The following ADAMTSL1 variants were observed in gnomAD, a reference collection of about 807,000 sequenced individuals.
The protein encoded by ADAMTSL1 is ADAMTS-like protein 1.
In ADAMTSL1, 126 loss-of-function variants were observed where a neutral mutation model predicts 201.8. The ratio of observed to expected loss-of-function variants is 0.62; its 90% CI spans 0.54 to 0.72. The LOEUF is 0.72. ADAMTSL1 is among the 30% of genes least tolerant of loss of function. The probability of loss-of-function intolerance (pLI) is 0.00; values close to 1 mark genes in which losing one functional copy is unlikely to be tolerated. For synonymous variants in ADAMTSL1, 1,121 were observed against 903.4 expected (o/e 1.24, Z -4.32); for missense variants, 2,679 against 2,277.8 (o/e 1.18, Z -3.59).
chr9:18,486,131 A>G (rs1263194390), intron 1 of ADAMTSL1, among the ~76,000 whole-genome samples: 1 of 152,234 alleles, frequency 6.6e-6, no homozygotes, highest in Non-Finnish European at 1.5e-5. Flanking sequence ...GTCAGTGTTC[A>G]ACAAATGTTT....
intron 2 of ADAMTSL1, among the ~76,000 whole-genome samples, chr9:18,343,441 C>G (rs867011070): frequency 3.9e-5 from 6 of 152,206 alleles, no homozygotes; most frequent in Middle Eastern, 3.4e-3. Context: ...GTATCAGTTA[C>G]AAGCACAAGT....
chr9:18,181,953 A>G (rs1828499587), intron 2 of ADAMTSL1, among the ~76,000 whole-genome samples: 2 of 152,178 alleles, frequency 1.3e-5, no homozygotes, highest in Admixed American at 1.3e-4. Flanking sequence ...AATACTATGC[A>G]GCCATAAAAA....
At chr9:18,702,751 T>G (rs1231076309) in intron 13 of ADAMTSL1, among the ~76,000 whole-genome samples, 2 of 152,138 alleles carry the variant, frequency 1.3e-5, no homozygotes, top group African/African-American at 4.8e-5. Context: ...AACAGTAGTG[T>G]TGCTAACAAA....
intron 1 of ADAMTSL1, among the ~76,000 whole-genome samples, chr9:18,496,743 C>T (rs1375352397): frequency 6.6e-6 from 1 of 152,182 alleles, no homozygotes; most frequent in Non-Finnish European, 1.5e-5. Context: ...GATTCCAAAC[C>T]CCAACATGTG....
chr9:18,112,582 C>T (rs1825071993), intron 1 of ADAMTSL1, among the ~76,000 whole-genome samples: 1 of 151,962 alleles, frequency 6.6e-6, no homozygotes, highest in African/African-American at 2.4e-5. Context: ...TTTTGTCTCA[C>T]TGTTTCCTTT....
intron 2 of ADAMTSL1, among the ~76,000 whole-genome samples, chr9:18,236,619 G>A (rs905731622): frequency 1.3e-5 from 2 of 152,130 alleles, no homozygotes; most frequent in Non-Finnish European, 2.9e-5. Flanking sequence ...TTTTTAGGTT[G>A]TTAAAAGAGA....
intron 1 of ADAMTSL1, among the ~76,000 whole-genome samples, chr9:17,934,989 T>A (rs1826947609): frequency 6.6e-6 from 1 of 152,092 alleles, no homozygotes; most frequent in Admixed American, 6.6e-5. Flanking sequence ...AGGTATTATT[T>A]GCCCCTTCAG....
At chr9:18,876,438 G>C (rs1390694178) in intron 23 of ADAMTSL1, among the ~76,000 whole-genome samples, 1 of 152,068 alleles carries the variant, frequency 6.6e-6, no homozygotes, top group Non-Finnish European at 1.5e-5. Flanking sequence ...AGTTCTTGCA[G>C]TGCCGACTTG....
At chr9:18,175,293 A>T (rs1828091100) in intron 2 of ADAMTSL1, among the ~76,000 whole-genome samples, 1 of 152,208 alleles carries the variant, frequency 6.6e-6, no homozygotes, top group Admixed American at 6.5e-5. Context: ...AAATTCTTAG[A>T]GTTCTTCCTA....
At chr9:18,185,492 T>C (rs1311200151) in intron 2 of ADAMTSL1, among the ~76,000 whole-genome samples, 1 of 152,172 alleles carries the variant, frequency 6.6e-6, no homozygotes, top group African/African-American at 2.4e-5. Flanking sequence ...ACTGTGAATT[T>C]ATAAATGTGT....
intron 23 of ADAMTSL1, among the ~76,000 whole-genome samples, chr9:18,885,825 G>T (rs1418950214): frequency 6.6e-6 from 1 of 152,086 alleles, no homozygotes; most frequent in Non-Finnish European, 1.5e-5. Flanking sequence ...AGCAGGTATG[G>T]GGGAAAGAAC....
chr9:18,111,050 C>A (rs1824985028), intron 1 of ADAMTSL1, among the ~76,000 whole-genome samples: 1 of 152,142 alleles, frequency 6.6e-6, no homozygotes, highest in South Asian at 2.1e-4. Context: ...TCCATGTGTT[C>A]ATTTTGCAGA....
chr9:18,512,751 T>G (rs1818110942), intron 2 of ADAMTSL1, among the ~76,000 whole-genome samples: 1 of 152,240 alleles, frequency 6.6e-6, no homozygotes, highest in African/African-American at 2.4e-5. Context: ...GTATTGTTAT[T>G]TTATTCTGGT....
chr9:18,651,313 G>A (rs1167236455), intron 7 of ADAMTSL1: 1 of 152,182 alleles, frequency 6.6e-6, no homozygotes, highest in East Asian at 1.9e-4. Context: ...GACTTTCCCA[G>A]GTAGAAGAGT....
At chr9:18,843,572 A>G (rs1825875229) in intron 23 of ADAMTSL1, among the ~76,000 whole-genome samples, 1 of 150,426 alleles carries the variant, frequency 6.6e-6, no homozygotes, top group African/African-American at 2.5e-5. Flanking sequence ...CTGAATCTGA[A>G]TGTTGCCCTG....
At chr9:18,528,515 T>C (rs1202071264) in intron 2 of ADAMTSL1, among the ~76,000 whole-genome samples, 3 of 152,178 alleles carry the variant, frequency 2.0e-5, no homozygotes, top group Admixed American at 6.5e-5. Flanking sequence ...GCTCCATCCA[T>C]GTCCCTGCAA....
chr9:17,988,292 A>C (rs1234435426), intron 1 of ADAMTSL1, among the ~76,000 whole-genome samples: 1 of 152,112 alleles, frequency 6.6e-6, no homozygotes, highest in Non-Finnish European at 1.5e-5. Flanking sequence ...TTATGAGTTC[A>C]CATGTTACTC....
intron 7 of ADAMTSL1, among the ~76,000 whole-genome samples, chr9:18,649,361 A>C (rs894681065): frequency 1.3e-5 from 2 of 151,944 alleles, no homozygotes; most frequent in Non-Finnish European, 2.9e-5. Context: ...GAGTGGTTTG[A>C]TCGTCTGAAG....
intron 1 of ADAMTSL1, among the ~76,000 whole-genome samples, chr9:18,130,316 C>G (rs968147646): frequency 4.6e-5 from 7 of 152,144 alleles, no homozygotes; most frequent in African/African-American, 1.4e-4. Context: ...AGGCCATGTT[C>G]TTGAAATGGA....
Sources: allele counts gnomAD v4.1 joint callset (sites outside exome capture counted in the v4.1 genomes callset), GRCh38; gene constraint gnomAD v4.1.1; transcripts MANE v1.5; gene names NCBI Gene and HGNC (gene_info 2026-07-23, HGNC 2026-07-21).